SLC12A7: variants seen among roughly 807,000 people sequenced by gnomAD.
The protein encoded by SLC12A7 is K-Cl cotransporter 4.
Under a neutral mutation model 120.6 loss-of-function variants are expected in SLC12A7, and 100 were observed. The ratio of observed to expected loss-of-function variants is 0.83; its 90% CI spans 0.71 to 0.98. The LOEUF (loss-of-function observed/expected upper bound fraction) is 0.98, where lower values mean the gene tolerates loss of function less well. Among genes scored for constraint, SLC12A7 ranks in the 50% least tolerant of loss-of-function variants. SLC12A7 has a pLI of 0.00. For missense variants in SLC12A7, 1,373 were observed against 1,548.1 expected (o/e 0.89, Z 1.90); for synonymous variants, 760 against 678.0 (o/e 1.12, Z -1.88).
chr5:1,136,883 A>G, the SLC12A7 span, among the ~76,000 whole-genome samples: 1 of 150,422 alleles, frequency 6.6e-6, no homozygotes, highest in Non-Finnish European at 1.5e-5. Flanking sequence ...ATATGCTCAA[A>G]CAGCAGGACA....
the SLC12A7 span, among the ~76,000 whole-genome samples, chr5:1,126,221 G>T: frequency 6.6e-6 from 1 of 152,062 alleles, no homozygotes; most frequent in African/African-American, 2.4e-5. Flanking sequence ...GCTGACAGCT[G>T]GGATTACAGG....
At chr5:1,111,427 C>T (rs2150914978) in intron 1 of SLC12A7, among the ~76,000 whole-genome samples, 1 of 152,268 alleles carries the variant, frequency 6.6e-6, no homozygotes, top group East Asian at 1.9e-4. Flanking sequence ...GACGGGCCGG[C>T]CCGGGCTAGT....
rs1287564349 is a variant in SLC12A7, at chr5:1,061,066, CGCCGCACCT to C, written c.2740-624_2740-616del. 6.6e-3 allele frequency among the ~76,000 whole-genome samples: 798 copies of C among 121,102 alleles called. 13 individuals carry two copies. Among genetic ancestry groups the C allele is most frequent in the African/African-American group, 0.024 (712 of 30,044 alleles). 79.4% of individuals were successfully genotyped at this position (121,102 alleles called of 152,430 possible). A position where few individuals can be genotyped will look rare whatever the true frequency, so the allele number is the denominator to read the frequency against. ...ATCCCTGAGTCTCACCCGCCGCACC[CGCCGCACCT>C]GCCGCATCCGCCATGCGGAACCCCT... On this transcript the variant is annotated intron_variant, in intron 20 of 23. Transcript: ENST00000264930.
At chr5:1,083,143 GTCCAGGCTTCCCGTCTCGGGTTCTGGA>G (rs1430713178) in intron 8 of SLC12A7, among the ~76,000 whole-genome samples, 129 of 57,052 alleles carry the variant, frequency 2.3e-3, no homozygotes, top group Admixed American at 5.6e-3. Context: ...GTTCTGGGAA[GTCCAGGCTTCCCGTCTCGGGTTCTGGA>G]AAGTCCGGGC....
chr5:1,095,785 C>T (rs1380585816), intron 1 of SLC12A7, among the ~76,000 whole-genome samples: 1 of 152,204 alleles, frequency 6.6e-6, no homozygotes, highest in South Asian at 2.1e-4. Context: ...GGGTTCCAGC[C>T]GTGCCAGCAA....
intron 1 of SLC12A7, among the ~76,000 whole-genome samples, chr5:1,106,140 T>C (rs1453375059): frequency 6.6e-6 from 1 of 152,176 alleles, no homozygotes; most frequent in East Asian, 1.9e-4. Context: ...CAGACCTCGG[T>C]CTAAGGCACA....
intron 6 of SLC12A7, 117 bp from the exon 7 acceptor site, chr5:1,085,590 C>T (rs1739755567): frequency 9.4e-6 from 13 of 1,386,834 alleles, no homozygotes; most frequent in South Asian, 4.3e-5. Flanking sequence ...CCGGGGCCAT[C>T]GGGACGCATC....
At position 1,087,035 on chromosome 5, in the gene SLC12A7, T is replaced by C. The variant is rs762025799; in HGVS notation, c.545-2A>G. 1.2e-6 allele frequency: 2 copies of C among 1,610,144 alleles called. No individual in the cohort carries two copies. Among genetic ancestry groups the C allele is most frequent in the Non-Finnish European group, 1.7e-6 (2 of 1,178,258 alleles). ...ATATCATGTAGTAGGACCCGCCAGC[T>C]GCGGAGACAAAGGCGGCAGCCGCGG... On this transcript the variant is annotated splice_acceptor_variant, in intron 5 of 23. Transcript: ENST00000264930. LOFTEE classifies it high-confidence loss of function.
Position 1,074,603 on chromosome 5 carries a change from C to A in SLC12A7, c.2036G>T (p.Arg679Leu). The A allele has an allele frequency of 6.2e-7, 1 of 1,612,756 alleles. No homozygotes were observed. Among genetic ancestry groups the A allele is most frequent in the African/African-American group, 1.3e-5 (1 of 75,050 alleles). ...SLNAARYALL[R>L]VEHGPPHTKN... Reference sequence around the variant, plus strand: ...GGTGTGGGGGGGACCGTGCTCCACGCGCAGCAGGGCGTAGCGGGCGGCGTT... The same window carrying A: ...GGTGTGGGGGGGACCGTGCTCCACGAGCAGCAGGGCGTAGCGGGCGGCGTT... The change falls in exon 16 of 24, where the codon CGC (arginine) becomes CTC (leucine). Residue 679 changes from arginine to leucine, a missense_variant. Arg to Leu is a moderately radical substitution (Grantham distance 102, BLOSUM62 -2). Coordinates refer to ENST00000264930, the MANE Select transcript of SLC12A7 (RefSeq NM_006598.3).
chr5:1,152,826 T>C, the SLC12A7 span, among the ~76,000 whole-genome samples: 3 of 152,186 alleles, frequency 2.0e-5, no homozygotes, highest in Admixed American at 1.3e-4. Flanking sequence ...GACTTATCCC[T>C]GGGGCCTGTG....
At chr5:1,075,970 T>G (rs1738281408) in intron 14 of SLC12A7, 168 bp downstream of exon 14, 1 of 604,106 alleles carries the variant, frequency 1.7e-6, no homozygotes, top group Non-Finnish European at 2.9e-6. Context: ...AAAGGAACAG[T>G]CAAGGACGCG....
chr5:1,053,634 A>C, intron 22 of SLC12A7, 152 bp from the exon 23 acceptor site: 3 of 1,086,230 alleles, frequency 2.8e-6, no homozygotes, highest in Non-Finnish European at 2.6e-6. Context: ...TGAAGGATGC[A>C]GAAGTGGCGG....
intron 17 of SLC12A7, among the ~76,000 whole-genome samples, chr5:1,065,888 G>A (rs747103104): frequency 1.1e-4 from 17 of 152,036 alleles, no homozygotes; most frequent in Non-Finnish European, 1.9e-4. Context: ...AAGGGAGGCC[G>A]TGGGGTCCAG....
rs1342334118 is a variant in SLC12A7, at chr5:1,050,621, C to CACCA, written c.*1735_*1738dup. 35 of 374,152 alleles carry CACCA rather than the reference C, an allele frequency of 9.4e-5. No homozygotes were observed. The East Asian group carries it at 1.3e-3, about 14-fold the overall frequency. The allele number at this position is 374,152 out of a possible 1,614,324, so 23.2% of individuals were successfully genotyped here. On this transcript the variant is annotated 3_prime_UTR_variant, in exon 24 of 24. Transcript: ENST00000264930. Reference sequence around the variant, plus strand: ...CTCAGAAGCAGGGCTGTTTTCCAGCCACCAACCAACGTTCAGAGCCAGCAC... The same window carrying CACCA: ...CTCAGAAGCAGGGCTGTTTTCCAGCCACCAACCAACCAACGTTCAGAGCCAGCAC...
chr5:1,053,314 C>T (rs766251456), intron 23 of SLC12A7, 35 bp downstream of exon 23: 108 of 1,603,484 alleles, frequency 6.7e-5, no homozygotes, highest in Admixed American at 3.9e-4. Context: ...AGGGGGTGCC[C>T]GCACGCTCAG....
chr5:1,134,600 G>A, the SLC12A7 span, among the ~76,000 whole-genome samples: 19 of 152,094 alleles, frequency 1.2e-4, no homozygotes, highest in African/African-American at 3.9e-4. Context: ...CAGTCCATAC[G>A]GAAACAGAAC....
rs562214751 is a variant in SLC12A7 at position 1,082,130 on chromosome 5, G to C, written c.1130-386C>G. On this transcript the variant is annotated intron_variant, in intron 8 of 23. Transcript: ENST00000264930. ...GGTTCTGGAAAGTCCGGGCTTCCCC[G>C]TCTCGGGTTCTGGGGAAGTCCGGGC... is the stretch of plus-strand genomic sequence containing the variant. Among the ~76,000 whole-genome samples, 254 of 140,056 alleles carry C rather than the reference G, an allele frequency of 1.8e-3. 1 individual carries two copies. Among genetic ancestry groups the C allele is most frequent in the African/African-American group, 6.8e-3 (250 of 36,700 alleles). 91.9% of individuals were successfully genotyped at this position (140,056 alleles called of 152,430 possible). A position where few individuals can be genotyped will look rare whatever the true frequency, so the allele number is the denominator to read the frequency against.
the SLC12A7 span, among the ~76,000 whole-genome samples, chr5:1,142,810 C>A: frequency 6.6e-6 from 1 of 151,644 alleles, no homozygotes; most frequent in African/African-American, 2.4e-5. Context: ...CCATACACAC[C>A]CCTCCCCTCC....
At chr5:1,125,156 A>C in the SLC12A7 span, among the ~76,000 whole-genome samples, 1 of 152,202 alleles carries the variant, frequency 6.6e-6, no homozygotes, top group Non-Finnish European at 1.5e-5. Flanking sequence ...AGCACAGAGC[A>C]GCTGTGGAAA....
Sources: allele counts gnomAD v4.1 joint callset (sites outside exome capture counted in the v4.1 genomes callset), GRCh38; gene constraint gnomAD v4.1.1; transcripts MANE v1.5; gene names NCBI Gene and HGNC (gene_info 2026-07-23, HGNC 2026-07-21).